Variants in C12orf75 observed in about 807,000 individuals in gnomAD.
The protein encoded by C12orf75 is overexpressed in colon carcinoma 1 protein.
Under a neutral mutation model 11.4 loss-of-function variants are expected in C12orf75, and 4 were observed. The observed-to-expected ratio is 0.35, with a 90% CI of 0.17 to 0.80. C12orf75 has a LOEUF of 0.80. C12orf75 is among the 30% of genes least tolerant of loss of function. The pLI is 0.52. For missense variants in C12orf75, 89 were observed against 80.4 expected (o/e 1.11, Z -0.41); for synonymous variants, 30 against 30.0 (o/e 1.00, Z 0.00).
intron 1 of C12orf75, among the ~76,000 whole-genome samples, chr12:105,333,425 G>A (rs927878547): frequency 6.6e-6 from 1 of 152,130 alleles, no homozygotes; most frequent in African/African-American, 2.4e-5. Flanking sequence ...AATACGAAAC[G>A]CGTTAAAGAG....
At chr12:105,345,046 G>C (rs1188872252) in intron 1 of C12orf75, among the ~76,000 whole-genome samples, 1 of 150,770 alleles carries the variant, frequency 6.6e-6, no homozygotes, top group South Asian at 2.1e-4. Flanking sequence ...GTCAGGCCAT[G>C]ATGGGAAGTG....
intron 2 of C12orf75, among the ~76,000 whole-genome samples, chr12:105,361,738 T>G (rs1213234346): frequency 6.6e-6 from 1 of 152,080 alleles, no homozygotes; most frequent in Non-Finnish European, 1.5e-5. Context: ...CCCCAACAGG[T>G]AGGATGCTGT....
chr12:105,336,497 C>T (rs10861399), intron 1 of C12orf75, among the ~76,000 whole-genome samples: 47,620 of 151,990 alleles, frequency 0.31, 8,004 homozygotes, highest in African/African-American at 0.43. Context: ...CAATATACTA[C>T]TTGTTATCAG....
chr12:105,369,390 T>C (rs1871566951), intron 5 of C12orf75, among the ~76,000 whole-genome samples: 1 of 152,190 alleles, frequency 6.6e-6, no homozygotes, highest in African/African-American at 2.4e-5. Flanking sequence ...CTTTCCCCAT[T>C]CTTTAACTCT....
rs539495364 is a variant in C12orf75 at position 105,367,497 on chromosome 12, C to G, written c.*21C>G. 7.4e-6 allele frequency: 6 copies of G among 812,336 alleles called. No homozygotes were observed. In the South Asian group the frequency reaches 9.8e-5, roughly 13 times the overall value. 50.3% of individuals were successfully genotyped at this position (812,336 alleles called of 1,614,324 possible). A position where few individuals can be genotyped will look rare whatever the true frequency, so the allele number is the denominator to read the frequency against. The stretch of plus-strand genomic sequence containing the variant: ...ATTAGAAGAAAATAACATCATGACT[C>G]AAGAATCAAGAGGTGCTGTATATTT... On this transcript the variant is annotated 3_prime_UTR_variant, in exon 5 of 6. Coordinates refer to ENST00000443585, the MANE Select transcript of C12orf75 (RefSeq NM_001145199.2).
At chr12:105,353,966 G>A (rs1300711041) in intron 2 of C12orf75, among the ~76,000 whole-genome samples, 2 of 152,112 alleles carry the variant, frequency 1.3e-5, no homozygotes, top group Admixed American at 6.5e-5. Context: ...TTGTTTTTGT[G>A]TTTGGAAAAA....
chr12:105,344,316 C>T (rs996875248), intron 1 of C12orf75, among the ~76,000 whole-genome samples: 1 of 152,212 alleles, frequency 6.6e-6, no homozygotes, highest in African/African-American at 2.4e-5. Context: ...AGGGATCCGA[C>T]TCCAGTCATC....
intron 1 of C12orf75, 68 bp from the exon 2 acceptor site, chr12:105,348,534 G>T: frequency 3.9e-6 from 4 of 1,027,414 alleles, no homozygotes; most frequent in Non-Finnish European, 4.1e-6. Context: ...ATTTTAATTA[G>T]GTATTAGACA....
intron 1 of C12orf75, among the ~76,000 whole-genome samples, chr12:105,335,483 A>G (rs1007407711): frequency 6.6e-6 from 1 of 152,016 alleles, no homozygotes. Context: ...CCTTCTTTCT[A>G]TTCTTTAAAC....
intron 1 of C12orf75, among the ~76,000 whole-genome samples, chr12:105,340,795 G>A (rs188847585): frequency 6.6e-6 from 1 of 152,252 alleles, no homozygotes; most frequent in East Asian, 1.9e-4. Context: ...AATCCAATGA[G>A]AAGGGTGTTT....
chr12:105,353,608 A>G (rs1892741215), intron 2 of C12orf75: 1 of 152,230 alleles, frequency 6.6e-6, no homozygotes, highest in African/African-American at 2.4e-5. Flanking sequence ...AACCGAAACA[A>G]TTGGAATTTA....
intron 2 of C12orf75, among the ~76,000 whole-genome samples, chr12:105,364,922 A>C (rs540250678): frequency 6.7e-6 from 1 of 148,930 alleles, no homozygotes; most frequent in East Asian, 2.0e-4. Flanking sequence ...GCTCACTGCA[A>C]CCTCCACCTC....
chr12:105,349,115 C>A (rs1892679581), intron 2 of C12orf75, among the ~76,000 whole-genome samples: 2 of 152,170 alleles, frequency 1.3e-5, no homozygotes. Context: ...ATCTTTAGAG[C>A]ACAGGGCATT....
At chr12:105,364,818 T>C (rs529628065) in intron 2 of C12orf75, among the ~76,000 whole-genome samples, 110 of 151,886 alleles carry the variant, frequency 7.2e-4, no homozygotes, top group Non-Finnish European at 1.4e-3. Context: ...GCCAAGGAAT[T>C]CTGGTAGAAT....
chr12:105,354,170 G>C (rs936553099), intron 2 of C12orf75, among the ~76,000 whole-genome samples: 2 of 152,130 alleles, frequency 1.3e-5, no homozygotes, highest in South Asian at 4.1e-4. Flanking sequence ...GGTTGAAGTA[G>C]CATTGAAAAA....
Position 105,370,535 on chromosome 12 carries a change from A to G in C12orf75, c.*34-99A>G. Reference sequence around the variant, plus strand: ...GAATATTAAATAGGTGTTTTACTTAAAAGAAAGTAAATAACTTGTAGGCTT... The same window carrying G: ...GAATATTAAATAGGTGTTTTACTTAGAAGAAAGTAAATAACTTGTAGGCTT... On this transcript the variant is annotated intron_variant, in intron 5 of 5. Transcript: ENST00000443585. The G allele has an allele frequency of 1.5e-5, 6 of 410,112 alleles. 1 individual carries two copies. Among genetic ancestry groups the G allele is most frequent in the South Asian group, 1.0e-4 (6 of 58,276 alleles). 25.4% of individuals were successfully genotyped at this position (410,112 alleles called of 1,614,324 possible).
At chr12:105,346,014 A>C (rs1208974564) in intron 1 of C12orf75, among the ~76,000 whole-genome samples, 2 of 152,136 alleles carry the variant, frequency 1.3e-5, no homozygotes, top group African/African-American at 4.8e-5. Flanking sequence ...TTCATCTGCA[A>C]AATAAAACCT....
chr12:105,346,704 A>G (rs919238974), intron 1 of C12orf75, among the ~76,000 whole-genome samples: 1 of 152,262 alleles, frequency 6.6e-6, no homozygotes, highest in Non-Finnish European at 1.5e-5. Context: ...CATAGCCTCA[A>G]TTATCTTTAG....
At chr12:105,358,536 CAAT>C (rs996146116) in intron 2 of C12orf75, among the ~76,000 whole-genome samples, 4 of 152,166 alleles carry the variant, frequency 2.6e-5, no homozygotes, top group Middle Eastern at 6.8e-3. Context: ...AAAACCAAAA[CAAT>C]AATAATAAAT....
Sources: allele counts gnomAD v4.1 joint callset (sites outside exome capture counted in the v4.1 genomes callset), GRCh38; gene constraint gnomAD v4.1.1; transcripts MANE v1.5; gene names NCBI Gene and HGNC (gene_info 2026-07-23, HGNC 2026-07-21).